COL24A1: variants seen among roughly 807,000 people sequenced by gnomAD.
COL24A1 encodes the protein collagen type XXIV alpha 1 chain, also known as collagen alpha-1(XXIV) chain.
Under a neutral mutation model 253.9 loss-of-function variants are expected in COL24A1, and 224 were observed. The observed-to-expected ratio is 0.88, with a 90% CI of 0.79 to 0.99. The LOEUF (loss-of-function observed/expected upper bound fraction) is 0.99, where lower values mean the gene tolerates loss of function less well. Ranked by LOEUF, COL24A1 falls within the 50% of genes least tolerant of loss-of-function variation. The pLI is 0.00. For synonymous variants in COL24A1, 685 were observed against 673.7 expected (o/e 1.02, Z -0.26); for missense variants, 2,131 against 2,068.5 (o/e 1.03, Z -0.59).
At chr1:85,761,288 G>A in intron 55 of COL24A1, 108 bp downstream of exon 55, 1 of 1,233,836 alleles carries the variant, frequency 8.1e-7, no homozygotes, top group Non-Finnish European at 1.1e-6. Context: ...AAAGAACAGA[G>A]GTATCCAAAA....
At chr1:85,795,631 A>G (rs1670725769) in intron 47 of COL24A1, among the ~76,000 whole-genome samples, 1 of 152,072 alleles carries the variant, frequency 6.6e-6, no homozygotes, top group South Asian at 2.1e-4. Context: ...CTACCTTAAC[A>G]TTTTTCTAAA....
At chr1:86,128,344 T>A (rs1486409394) in intron 2 of COL24A1, among the ~76,000 whole-genome samples, 2 of 151,972 alleles carry the variant, frequency 1.3e-5, no homozygotes, top group Non-Finnish European at 2.9e-5. Context: ...TTTACCTAAC[T>A]CTAAAGGTAT....
At chr1:85,851,685 G>C (rs763651738) in intron 37 of COL24A1, among the ~76,000 whole-genome samples, 1 of 152,066 alleles carries the variant, frequency 6.6e-6, no homozygotes. Flanking sequence ...ATGGAAAAAC[G>C]TATAGCTACT....
chr1:86,118,066 C>CG (rs1553140395), intron 3 of COL24A1, among the ~76,000 whole-genome samples: 5 of 146,862 alleles, frequency 3.4e-5, no homozygotes, highest in Admixed American at 1.4e-4. Flanking sequence ...GTCTAATTAA[C>CG]TTTTTTTTTT....
chr1:85,851,255 A>AT (rs1167272472), intron 37 of COL24A1, among the ~76,000 whole-genome samples: 2 of 152,052 alleles, frequency 1.3e-5, no homozygotes, highest in Non-Finnish European at 2.9e-5. Flanking sequence ...TTTTTAACAC[A>AT]TTTTTGTTTT....
At chr1:85,748,820 C>A (rs1665598335) in intron 55 of COL24A1, among the ~76,000 whole-genome samples, 1 of 71,456 alleles carries the variant, frequency 1.4e-5, no homozygotes, top group African/African-American at 4.9e-5. Flanking sequence ...TTGCGCTTTT[C>A]AGACCGGCTT....
intron 47 of COL24A1, among the ~76,000 whole-genome samples, chr1:85,800,421 C>A (rs1026127744): frequency 2.6e-5 from 4 of 152,156 alleles, no homozygotes; most frequent in Non-Finnish European, 5.9e-5. Flanking sequence ...TACTAAAATA[C>A]ATGAACATAA....
intron 20 of COL24A1, among the ~76,000 whole-genome samples, chr1:85,982,381 A>G (rs191740097): frequency 5.1e-4 from 77 of 152,222 alleles, no homozygotes; most frequent in Non-Finnish European, 9.9e-4. Flanking sequence ...ACAATACTGT[A>G]AACAAATCAG....
At chr1:85,748,589 G>C (rs1479982885) in intron 55 of COL24A1, among the ~76,000 whole-genome samples, 1 of 151,062 alleles carries the variant, frequency 6.6e-6, no homozygotes, top group Non-Finnish European at 1.5e-5. Context: ...CCACGCAGAA[G>C]ACGGGTGATT....
intron 6 of COL24A1, among the ~76,000 whole-genome samples, chr1:86,089,549 G>A (rs1222136912): frequency 1.3e-5 from 2 of 152,190 alleles, no homozygotes; most frequent in African/African-American, 2.4e-5. Context: ...GCTGGGCGCG[G>A]TGGCCCAGGC....
At chr1:86,017,290 GCAGT>G in intron 18 of COL24A1, 86 bp from the exon 19 acceptor site, 2 of 1,136,390 alleles carry the variant, frequency 1.8e-6, no homozygotes, top group Non-Finnish European at 2.5e-6. Context: ...TAAACAAATA[GCAGT>G]CAGTCATTAT....
chr1:86,119,892 T>A (rs1300822509), intron 3 of COL24A1, among the ~76,000 whole-genome samples: 1 of 152,118 alleles, frequency 6.6e-6, no homozygotes, highest in Non-Finnish European at 1.5e-5. Context: ...CTTCAAACTA[T>A]ACTACAAGGC....
intron 53 of COL24A1, among the ~76,000 whole-genome samples, chr1:85,768,039 C>A (rs1313879787): frequency 2.0e-5 from 3 of 151,988 alleles, no homozygotes; most frequent in Non-Finnish European, 4.4e-5. Flanking sequence ...AAGAGAATGA[C>A]CGGAAATGAT....
chr1:86,079,499 C>T (rs184828100), intron 7 of COL24A1, among the ~76,000 whole-genome samples: 15 of 152,180 alleles, frequency 9.9e-5, no homozygotes, highest in African/African-American at 3.4e-4. Flanking sequence ...AGGAAACAAT[C>T]AATAAAGTGA....
intron 20 of COL24A1, among the ~76,000 whole-genome samples, chr1:85,972,542 T>C (rs1692272202): frequency 1.3e-5 from 2 of 152,202 alleles, no homozygotes; most frequent in South Asian, 4.1e-4. Context: ...ATTATGGAAA[T>C]GGGCACATTG....
chr1:86,029,102 T>C (rs1403684727), intron 14 of COL24A1, among the ~76,000 whole-genome samples: 1 of 151,866 alleles, frequency 6.6e-6, no homozygotes, highest in Non-Finnish European at 1.5e-5. Flanking sequence ...TTCCTTACTC[T>C]ACCCACTGAC....
At chr1:85,888,455 A>T (rs1682763209) in intron 32 of COL24A1, among the ~76,000 whole-genome samples, 1 of 152,082 alleles carries the variant, frequency 6.6e-6, no homozygotes, top group Non-Finnish European at 1.5e-5. Context: ...TATACCAGAC[A>T]TTATACCAGG....
chr1:85,883,477 T>C (rs999302029), intron 32 of COL24A1, among the ~76,000 whole-genome samples: 1 of 152,148 alleles, frequency 6.6e-6, no homozygotes, highest in African/African-American at 2.4e-5. Flanking sequence ...TGCCTCGGCC[T>C]CCTAAAGTGC....
intron 19 of COL24A1, among the ~76,000 whole-genome samples, chr1:85,993,465 A>G (rs932037494): frequency 3.3e-5 from 5 of 151,668 alleles, no homozygotes; most frequent in Non-Finnish European, 7.4e-5. Context: ...AGTACATACT[A>G]TGTGAGTCAG....
Sources: allele counts gnomAD v4.1 joint callset (sites outside exome capture counted in the v4.1 genomes callset), GRCh38; gene constraint gnomAD v4.1.1; transcripts MANE v1.5; gene names NCBI Gene and HGNC (gene_info 2026-07-23, HGNC 2026-07-21).